WDFY3: variants seen among roughly 807,000 people sequenced by gnomAD.
The protein encoded by WDFY3 is WD repeat and FYVE domain-containing protein 3.
WDFY3 carries 66 observed loss-of-function variants against 409.6 expected under a neutral mutation model. The ratio of observed to expected loss-of-function variants is 0.16; its 90% CI spans 0.13 to 0.20. The LOEUF (loss-of-function observed/expected upper bound fraction) is 0.20. WDFY3 is among the 10% of genes least tolerant of loss of function. WDFY3 has a pLI of 1.00. For synonymous variants in WDFY3, 1,521 were observed against 1,537.1 expected (o/e 0.99, Z 0.25); for missense variants, 3,031 against 4,298.1 (o/e 0.71, Z 8.24).
At chr4:84,731,712 C>T (rs1030823846) in intron 44 of WDFY3, among the ~76,000 whole-genome samples, 1 of 152,090 alleles carries the variant, frequency 6.6e-6, no homozygotes, top group Admixed American at 6.5e-5. Flanking sequence ...TAATAGGGTA[C>T]TTTGTTTTTA....
In WDFY3 at chr4:84,918,422, C is replaced by A. The variant is rs565820981; in HGVS notation, c.-132+13848G>T. ...ATTTTCCAGTGAAAACAGTTAAGTG[C>A]CAAAGTGCTTACACAGACAATATGC... On this transcript the variant is annotated intron_variant, in intron 2 of 67. Coordinates refer to ENST00000295888, the MANE Select transcript of WDFY3 (RefSeq NM_014991.6). Among the ~76,000 whole-genome samples, 132 of 151,976 alleles carry A rather than the reference C, an allele frequency of 8.7e-4. 1 individual carries two copies. Among genetic ancestry groups the A allele is most frequent in the African/African-American group, 3.1e-3 (127 of 41,466 alleles).
At chr4:84,759,761 T>C (rs1742184108) in intron 32 of WDFY3, among the ~76,000 whole-genome samples, 1 of 151,844 alleles carries the variant, frequency 6.6e-6, no homozygotes, top group Middle Eastern at 3.4e-3. Context: ...CAGGGACAAT[T>C]TGACTTCCTC....
chr4:84,759,191 G>A (rs1423840573), intron 32 of WDFY3, among the ~76,000 whole-genome samples: 4 of 152,200 alleles, frequency 2.6e-5, no homozygotes, highest in Non-Finnish European at 4.4e-5. Flanking sequence ...GTACCTTGCT[G>A]TTTTGGTTAC....
At chr4:84,744,809 C>T (rs1379453664) in intron 36 of WDFY3, among the ~76,000 whole-genome samples, 1 of 141,330 alleles carries the variant, frequency 7.1e-6, no homozygotes, top group African/African-American at 2.6e-5. Context: ...GCCGAGATCC[C>T]GCCACTGCAC....
chr4:84,676,475 T>C (rs1228714281), intron 67 of WDFY3, among the ~76,000 whole-genome samples: 2 of 152,068 alleles, frequency 1.3e-5, no homozygotes, highest in African/African-American at 2.4e-5. Context: ...CTAATTAAGA[T>C]CAAGAATAAG....
At chr4:84,682,214 C>T (rs1727483676) in intron 64 of WDFY3, among the ~76,000 whole-genome samples, 160 bp downstream of exon 64, 1 of 152,220 alleles carries the variant, frequency 6.6e-6, no homozygotes, top group Non-Finnish European at 1.5e-5. Flanking sequence ...GAAAACCTTG[C>T]ATGTCTGCTC....
At chr4:84,926,965 A>C (rs907926279) in intron 2 of WDFY3, among the ~76,000 whole-genome samples, 2 of 152,228 alleles carry the variant, frequency 1.3e-5, no homozygotes, top group African/African-American at 4.8e-5. Flanking sequence ...AACCCTGCTA[A>C]CAAGTAAAAA....
intron 59 of WDFY3, 144 bp downstream of exon 59, chr4:84,692,741 G>A: frequency 4.3e-6 from 3 of 704,478 alleles, no homozygotes; most frequent in Non-Finnish European, 6.6e-6. Flanking sequence ...AATACTAGTA[G>A]GTATTTAGTA....
At chr4:84,958,083 G>A (rs980586070) in intron 1 of WDFY3, among the ~76,000 whole-genome samples, 9 of 152,048 alleles carry the variant, frequency 5.9e-5, no homozygotes, top group Non-Finnish European at 1.3e-4. Flanking sequence ...CATTTCTTGC[G>A]CATAAGATTA....
intron 53 of WDFY3, among the ~76,000 whole-genome samples, chr4:84,708,387 A>T (rs1732333043): frequency 6.6e-6 from 1 of 152,208 alleles, no homozygotes; most frequent in African/African-American, 2.4e-5. Context: ...AGATATTATG[A>T]ATTAATAGCC....
intron 3 of WDFY3, among the ~76,000 whole-genome samples, chr4:84,861,835 CACT>C (rs781268040): frequency 1.3e-5 from 2 of 152,082 alleles, no homozygotes; most frequent in Non-Finnish European, 2.9e-5. Context: ...CCTTTTTAAC[CACT>C]ACTAATGATG....
chr4:84,787,292 A>G (rs909797237), intron 23 of WDFY3, among the ~76,000 whole-genome samples, 190 bp downstream of exon 23: 58 of 152,190 alleles, frequency 3.8e-4, no homozygotes, highest in Non-Finnish European at 2.1e-4. Flanking sequence ...AAAGACAAAG[A>G]ATCCAGAAAG....
intron 3 of WDFY3, among the ~76,000 whole-genome samples, chr4:84,880,678 T>C (rs546757733): frequency 7.6e-3 from 86 of 11,382 alleles, no homozygotes; most frequent in East Asian, 0.018. Context: ...ACCATACATA[T>C]ATATATATAT....
At chr4:84,956,419 A>C (rs1016141461) in intron 1 of WDFY3, among the ~76,000 whole-genome samples, 1 of 152,170 alleles carries the variant, frequency 6.6e-6, no homozygotes, top group Admixed American at 6.5e-5. Flanking sequence ...GGTCCTACCC[A>C]AAGACACAGC....
chr4:84,930,983 T>C (rs571437980), intron 2 of WDFY3, among the ~76,000 whole-genome samples: 3 of 152,270 alleles, frequency 2.0e-5, no homozygotes, highest in Admixed American at 2.0e-4. Flanking sequence ...ACTGCAATAT[T>C]TGTTATTATA....
At chr4:84,891,182 T>A (rs1165545695) in intron 3 of WDFY3, among the ~76,000 whole-genome samples, 1 of 152,186 alleles carries the variant, frequency 6.6e-6, no homozygotes, top group African/African-American at 2.4e-5. Flanking sequence ...GGAGATGTTT[T>A]TAAAGTTTAA....
At chr4:84,955,244 C>T (rs1211997361) in intron 1 of WDFY3, among the ~76,000 whole-genome samples, 1 of 150,940 alleles carries the variant, frequency 6.6e-6, no homozygotes, top group Non-Finnish European at 1.5e-5. Flanking sequence ...TCCCAGTAAG[C>T]GAATATGGTA....
At chr4:84,733,230 C>A in intron 44 of WDFY3, 152 bp downstream of exon 44, 1 of 875,924 alleles carries the variant, frequency 1.1e-6, no homozygotes, top group Non-Finnish European at 1.8e-6. Context: ...TCTTTTCACT[C>A]CACCTCCACT....
chr4:84,732,048 A>G (rs1483336888), intron 44 of WDFY3, among the ~76,000 whole-genome samples: 2 of 152,244 alleles, frequency 1.3e-5, no homozygotes, highest in African/African-American at 4.8e-5. Flanking sequence ...AGTAAGTGCT[A>G]GTAACAGGCT....
Sources: allele counts gnomAD v4.1 joint callset (sites outside exome capture counted in the v4.1 genomes callset), GRCh38; gene constraint gnomAD v4.1.1; transcripts MANE v1.5; gene names NCBI Gene and HGNC (gene_info 2026-07-23, HGNC 2026-07-21).